The following CDH8 variants were observed in gnomAD, a reference collection of about 807,000 sequenced individuals.
CDH8 encodes cadherin 8.
In CDH8, 17 loss-of-function variants were observed where a neutral mutation model predicts 68.1. The ratio of observed to expected loss-of-function variants is 0.25; its 90% CI spans 0.17 to 0.37. The LOEUF is 0.37. CDH8 is among the 10% of genes least tolerant of loss of function. CDH8 has a pLI of 1.00. For synonymous variants in CDH8, 372 were observed against 365.1 expected, an observed-to-expected ratio of 1.02 and a Z score of -0.21; for missense variants, 763 against 999.3, an observed-to-expected ratio of 0.76 and a Z score of 3.19.
chr16:61,739,915 A>ATTT lies in CDH8; in HGVS notation c.1415-12703_1415-12701dup, dbSNP rs1555506715. The stretch of plus-strand genomic sequence containing the variant: ...TATATATATATATATATATATATGT[A>ATTT]TTTTTTTTTTTGAGACAAAGTCTTG... On this transcript the variant is annotated intron_variant, in intron 8 of 11. Coordinates refer to ENST00000577390, the MANE Select transcript of CDH8 (RefSeq NM_001796.5). Among the ~76,000 whole-genome samples the ATTT allele has an allele frequency of 9.8e-4, 107 of 109,562 alleles. 7 individuals carry two copies. The highest frequency in any genetic ancestry group is 3.8e-3 in the African/African-American group (101 of 26,922). The allele number at this position is 109,562 out of a possible 152,430, so 71.9% of individuals were successfully genotyped here. A position where few individuals can be genotyped will look rare whatever the true frequency, so the allele number is the denominator to read the frequency against.
At chr16:61,895,797 T>C (rs908035170) in intron 3 of CDH8, among the ~76,000 whole-genome samples, 5 of 152,158 alleles carry the variant, frequency 3.3e-5, no homozygotes, top group African/African-American at 1.2e-4. Flanking sequence ...TAGAAGTAAG[T>C]CACAAAGGAA....
chr16:61,997,997 G>A (rs959911770), intron 2 of CDH8, among the ~76,000 whole-genome samples: 1 of 152,036 alleles, frequency 6.6e-6, no homozygotes, highest in Non-Finnish European at 1.5e-5. Context: ...TAGAATAACT[G>A]ACAAAATTTT....
intron 8 of CDH8, among the ~76,000 whole-genome samples, chr16:61,782,798 C>G (rs1383769406): frequency 7.2e-5 from 11 of 152,124 alleles, no homozygotes; most frequent in Non-Finnish European, 1.2e-4. Flanking sequence ...CCTGAGCAGC[C>G]TAACTGGGAG....
chr16:61,858,896 G>C (rs2143016556), intron 3 of CDH8, among the ~76,000 whole-genome samples: 1 of 152,258 alleles, frequency 6.6e-6, no homozygotes, highest in Middle Eastern at 3.4e-3. Flanking sequence ...CTACAAAATG[G>C]TGGCAGGGAG....
rs1431792036 is a variant in CDH8 at position 61,960,035 on chromosome 16, C to CA, written c.253-58563dup. ...ATATATACACACATACACACACACA[C>CA]ACAACATATATGTATGTATGTGTGT... On this transcript the variant is annotated intron_variant, in intron 2 of 11. Coordinates refer to ENST00000577390, the MANE Select transcript of CDH8 (RefSeq NM_001796.5). Among the ~76,000 whole-genome samples, 9 of 110,662 alleles carry CA rather than the reference C, an allele frequency of 8.1e-5. 1 individual carries two copies. The highest frequency in any genetic ancestry group is 3.0e-4 in the African/African-American group (8 of 26,516). The allele number at this position is 110,662 out of a possible 152,430, so 72.6% of individuals were successfully genotyped here.
chr16:61,671,554 AAT>A (rs1963795611), intron 10 of CDH8, among the ~76,000 whole-genome samples: 1 of 152,076 alleles, frequency 6.6e-6, no homozygotes, highest in African/African-American at 2.4e-5. Context: ...TTTAAAGTTT[AAT>A]ATGTGATATT....
intron 8 of CDH8, among the ~76,000 whole-genome samples, chr16:61,740,896 T>C (rs982056534): frequency 6.6e-6 from 1 of 152,276 alleles, no homozygotes; most frequent in East Asian, 1.9e-4. Flanking sequence ...TTCTGTATAT[T>C]ACATATTTCA....
chr16:61,865,855 T>A (rs1597027825), intron 3 of CDH8, among the ~76,000 whole-genome samples: 2 of 152,202 alleles, frequency 1.3e-5, no homozygotes, highest in Admixed American at 1.3e-4. Context: ...CAGCTATCGA[T>A]ATCCATACTG....
chr16:61,781,877 C>A (rs1961066146), intron 8 of CDH8, among the ~76,000 whole-genome samples: 1 of 152,196 alleles, frequency 6.6e-6, no homozygotes, highest in African/African-American at 2.4e-5. Flanking sequence ...TTATTTGCTT[C>A]TTCTCTTCAT....
At chr16:61,816,407 C>A in intron 7 of CDH8, among the ~76,000 whole-genome samples, 1 of 152,106 alleles carries the variant, frequency 6.6e-6, no homozygotes, top group East Asian at 1.9e-4. Context: ...ACTCACTTTA[C>A]CAGGGTTTCC....
intron 3 of CDH8, among the ~76,000 whole-genome samples, chr16:61,887,292 A>G (rs977133214): frequency 2.6e-5 from 4 of 152,220 alleles, no homozygotes; most frequent in African/African-American, 9.6e-5. Flanking sequence ...TTTGAGCAGA[A>G]GAAAGGAAAG....
At chr16:61,829,500 A>G (rs1962411307) in intron 4 of CDH8, among the ~76,000 whole-genome samples, 1 of 151,862 alleles carries the variant, frequency 6.6e-6, no homozygotes, top group Non-Finnish European at 1.5e-5. Context: ...ATAGTTCAAA[A>G]GTACTTCAGT....
chr16:62,012,612 A>G (rs977221234), intron 2 of CDH8, among the ~76,000 whole-genome samples: 4 of 152,208 alleles, frequency 2.6e-5, no homozygotes, highest in Admixed American at 1.3e-4. Context: ...TTCTCATTTT[A>G]TTAAGTTTTA....
intron 4 of CDH8, among the ~76,000 whole-genome samples, chr16:61,835,122 T>A (rs1453325754): frequency 6.6e-6 from 1 of 151,974 alleles, no homozygotes; most frequent in African/African-American, 2.4e-5. Flanking sequence ...CAGGCATGGC[T>A]CTGTCATATA....
At chr16:61,971,483 A>T (rs889449147) in intron 2 of CDH8, among the ~76,000 whole-genome samples, 1 of 152,246 alleles carries the variant, frequency 6.6e-6, no homozygotes, top group African/African-American at 2.4e-5. Flanking sequence ...AGAGAAGCAC[A>T]GAGCAAGGGA....
chr16:61,897,618 C>A (rs1343804578), intron 3 of CDH8, among the ~76,000 whole-genome samples: 1 of 152,126 alleles, frequency 6.6e-6, no homozygotes, highest in Admixed American at 6.5e-5. Flanking sequence ...ATAGGCTTGG[C>A]ATGAAGATGT....
At chr16:61,666,286 A>C (rs1266979242) in intron 10 of CDH8, among the ~76,000 whole-genome samples, 1 of 151,922 alleles carries the variant, frequency 6.6e-6, no homozygotes, top group Non-Finnish European at 1.5e-5. Context: ...TATCCCCTGC[A>C]GATGAAAAAG....
intron 10 of CDH8, among the ~76,000 whole-genome samples, chr16:61,673,253 C>A (rs1444052901): frequency 6.6e-6 from 1 of 152,104 alleles, no homozygotes; most frequent in East Asian, 1.9e-4. Flanking sequence ...TGTATTGAGG[C>A]CTCTCCTTTT....
Position 61,648,008 on chromosome 16 carries a change from C to T in CDH8, c.*5600G>A. On this transcript the variant is annotated 3_prime_UTR_variant, in exon 12 of 12. Transcript: ENST00000577390. ...TAACTCAAGTTGGGGAAATAGTACC[C>T]AAAGGCACTATTTTCACCAGCAAAT... is the stretch of plus-strand genomic sequence containing the variant. 1 of 596,892 alleles carries T rather than the reference C, an allele frequency of 1.7e-6. No homozygotes were observed. The highest frequency in any genetic ancestry group is 2.0e-5 in the South Asian group (1 of 49,482). The allele number at this position is 596,892 out of a possible 1,614,324, so 37.0% of individuals were successfully genotyped here.
Sources: allele counts gnomAD v4.1 joint callset (sites outside exome capture counted in the v4.1 genomes callset), GRCh38; gene constraint gnomAD v4.1.1; transcripts MANE v1.5; gene names NCBI Gene and HGNC (gene_info 2026-07-23, HGNC 2026-07-21).